Variants in LSAMP observed in about 807,000 individuals in gnomAD.
LSAMP encodes limbic system associated membrane protein.
A neutral mutation model predicts 38.6 loss-of-function variants in LSAMP; 7 were observed. The observed-to-expected ratio is 0.18, with a 90% CI of 0.10 to 0.34. The LOEUF (loss-of-function observed/expected upper bound fraction) is 0.34. LSAMP is among the 10% of genes least tolerant of loss of function. LSAMP has a pLI of 1.00. For missense variants in LSAMP, 313 were observed against 420.0 expected (o/e 0.75, Z 2.23); for synonymous variants, 154 against 166.8 (o/e 0.92, Z 0.59).
At chr3:115,844,832 C>A (rs1053301862) in intron 4 of LSAMP, among the ~76,000 whole-genome samples, 1 of 152,022 alleles carries the variant, frequency 6.6e-6, no homozygotes, top group Admixed American at 6.6e-5. Flanking sequence ...AAAAAACTAG[C>A]CGGGTGTGGT....
At chr3:116,112,800 G>A (rs139178907) in intron 1 of LSAMP, among the ~76,000 whole-genome samples, 449 of 152,266 alleles carry the variant, frequency 2.9e-3, no homozygotes, top group South Asian at 6.0e-3. Context: ...TCACAAATGC[G>A]TTGGCTACCC....
intron 3 of LSAMP, among the ~76,000 whole-genome samples, chr3:115,957,039 A>G (rs1404134697): frequency 6.6e-6 from 1 of 152,140 alleles, no homozygotes; most frequent in East Asian, 1.9e-4. Flanking sequence ...AAAGTTTTAT[A>G]TTTGTCACAT....
chr3:116,253,714 T>C, intron 1 of LSAMP, among the ~76,000 whole-genome samples: 1 of 152,106 alleles, frequency 6.6e-6, no homozygotes, highest in Middle Eastern at 3.2e-3. Flanking sequence ...AACCCAGAAG[T>C]TTTAAAGCAG....
chr3:116,005,255 C>T (rs956552156), intron 3 of LSAMP, among the ~76,000 whole-genome samples: 24 of 152,228 alleles, frequency 1.6e-4, no homozygotes, highest in African/African-American at 5.3e-4. Context: ...AAAGGTACCA[C>T]CTCAGGCAAC....
intron 2 of LSAMP, 126 bp from the exon 3 acceptor site, chr3:116,019,766 A>G (rs1396680448): frequency 9.4e-7 from 1 of 1,066,290 alleles, no homozygotes; most frequent in Non-Finnish European, 1.4e-6. Context: ...AAGAAGTAGG[A>G]TGCTTTTAAG....
At chr3:116,271,228 T>C in intron 1 of LSAMP, among the ~76,000 whole-genome samples, 1 of 152,038 alleles carries the variant, frequency 6.6e-6, no homozygotes, top group East Asian at 1.9e-4. Context: ...ACCATTACTG[T>C]AATACTTTTT....
In LSAMP at chr3:116,218,085, C is replaced by T. The variant is rs538434035; in HGVS notation, c.156-131529G>A. Among the ~76,000 whole-genome samples the T allele has an allele frequency of 2.0e-5, 3 of 152,184 alleles. No homozygotes were observed. In the South Asian group the frequency reaches 6.2e-4, roughly 32 times the overall value. ...GCGCTGTGGATCCGTGGTCTTGGTA[C>T]TCAGGAATGAAAGACAATTCCGAAG... is the stretch of plus-strand genomic sequence containing the variant. On this transcript the variant is annotated intron_variant, in intron 1 of 6. Coordinates refer to ENST00000490035, the MANE Select transcript of LSAMP (RefSeq NM_002338.5).
chr3:116,146,247 A>G (rs1198918434), intron 1 of LSAMP, among the ~76,000 whole-genome samples: 1 of 151,872 alleles, frequency 6.6e-6, no homozygotes, highest in Non-Finnish European at 1.5e-5. Flanking sequence ...TAAAACATGT[A>G]TCTCCTGTCA....
chr3:116,082,510 G>A (rs1256493148), intron 2 of LSAMP, among the ~76,000 whole-genome samples: 1 of 152,138 alleles, frequency 6.6e-6, no homozygotes, highest in African/African-American at 2.4e-5. Flanking sequence ...AAGCCAAAAT[G>A]TTGACTTTGC....
intron 1 of LSAMP, among the ~76,000 whole-genome samples, chr3:116,292,999 A>G (rs2047287629): frequency 6.6e-6 from 1 of 151,852 alleles, no homozygotes; most frequent in African/African-American, 2.4e-5. Flanking sequence ...TTCTTTCTCT[A>G]TTTATTTCCT....
At chr3:115,904,484 A>T (rs1454881213) in intron 3 of LSAMP, among the ~76,000 whole-genome samples, 1 of 152,152 alleles carries the variant, frequency 6.6e-6, no homozygotes, top group Non-Finnish European at 1.5e-5. Flanking sequence ...TAAAAACAAT[A>T]CAAATTTACC....
chr3:116,001,646 G>C lies in LSAMP; in HGVS notation c.514+17869C>G, dbSNP rs144955482. Among the ~76,000 whole-genome samples the C allele has an allele frequency of 3.9e-3, 595 of 152,290 alleles. 5 individuals are homozygous for C. Among genetic ancestry groups the C allele is most frequent in the African/African-American group, 0.013 (546 of 41,562 alleles). On this transcript the variant is annotated intron_variant, in intron 3 of 6. Transcript: ENST00000490035. ...AGAATCTGTTTCCTTGTCTTTTCCA[G>C]TTTCTGGAAGCTGCCTGCAGTCCTT...
intron 3 of LSAMP, among the ~76,000 whole-genome samples, chr3:115,931,008 A>G (rs1232211039): frequency 1.3e-5 from 2 of 152,212 alleles, no homozygotes; most frequent in African/African-American, 4.8e-5. Context: ...TTGTTAATGA[A>G]CACTTCTATT....
chr3:116,236,081 T>C (rs1327820519), intron 1 of LSAMP, among the ~76,000 whole-genome samples: 1 of 152,130 alleles, frequency 6.6e-6, no homozygotes, highest in Non-Finnish European at 1.5e-5. Flanking sequence ...TATAATCAAA[T>C]AATGAATGAT....
intron 1 of LSAMP, among the ~76,000 whole-genome samples, chr3:116,119,653 TTTC>T (rs1708831099): frequency 7.1e-6 from 1 of 140,132 alleles, no homozygotes; most frequent in Non-Finnish European, 1.5e-5. Context: ...TAATTTCTTT[TTTC>T]TTTTCTTTTT....
intron 3 of LSAMP, among the ~76,000 whole-genome samples, chr3:115,990,708 T>C (rs1939641986): frequency 6.6e-6 from 1 of 152,074 alleles, no homozygotes; most frequent in African/African-American, 2.4e-5. Flanking sequence ...ACTCACCATT[T>C]TCCTATCATC....
At chr3:116,314,552 T>C (rs1438036947) in intron 1 of LSAMP, among the ~76,000 whole-genome samples, 1 of 152,190 alleles carries the variant, frequency 6.6e-6, no homozygotes, top group African/African-American at 2.4e-5. Flanking sequence ...AATAAGCCCA[T>C]CTGAATGAAA....
chr3:116,228,605 C>T lies in LSAMP; in HGVS notation c.156-142049G>A, dbSNP rs111588443. Among the ~76,000 whole-genome samples, 381 of 152,196 alleles carry T rather than the reference C, an allele frequency of 2.5e-3. 2 individuals are homozygous for T. Among genetic ancestry groups the T allele is most frequent in the South Asian group, 0.013 (64 of 4,830 alleles). On this transcript the variant is annotated intron_variant, in intron 1 of 6. Transcript: ENST00000490035. The stretch of plus-strand genomic sequence containing the variant: ...AGTACACAATAAATGACAGCTGTAA[C>T]TATTACTATGATTCTTACCAGTATT...
intron 1 of LSAMP, among the ~76,000 whole-genome samples, chr3:116,206,981 T>C (rs914059711): frequency 1.1e-4 from 17 of 150,680 alleles, no homozygotes; most frequent in Non-Finnish European, 2.2e-4. Context: ...GTCTCGTTGA[T>C]CTGTCTAATG....
Sources: allele counts gnomAD v4.1 joint callset (sites outside exome capture counted in the v4.1 genomes callset), GRCh38; gene constraint gnomAD v4.1.1; transcripts MANE v1.5; gene names NCBI Gene and HGNC (gene_info 2026-07-23, HGNC 2026-07-21).